Variants in IGSF9B observed in about 807,000 individuals in gnomAD.
IGSF9B encodes protein turtle homolog B.
A neutral mutation model predicts 143.7 loss-of-function variants in IGSF9B; 48 were observed. The observed-to-expected ratio is 0.33, with a 90% CI of 0.26 to 0.42. The LOEUF (loss-of-function observed/expected upper bound fraction) is 0.42. IGSF9B is among the 20% of genes least tolerant of loss of function. The pLI is 1.00. For synonymous variants in IGSF9B, 903 were observed against 833.1 expected, an observed-to-expected ratio of 1.08 and a Z score of -1.44; for missense variants, 1,706 against 1,980.0, an observed-to-expected ratio of 0.86 and a Z score of 2.63.
At chr11:133,946,515 C>T (rs1024604243) in intron 1 of IGSF9B, among the ~76,000 whole-genome samples, 1 of 152,134 alleles carries the variant, frequency 6.6e-6, no homozygotes, top group Non-Finnish European at 1.5e-5. Flanking sequence ...GGAAGCCATT[C>T]TCTTCAGCCC....
intron 18 of IGSF9B, among the ~76,000 whole-genome samples, chr11:133,917,177 T>C (rs1939402334): frequency 6.6e-6 from 1 of 152,148 alleles, no homozygotes; most frequent in Non-Finnish European, 1.5e-5. Flanking sequence ...CCGTCTCCCA[T>C]GCAGGTGCCC....
Position 133,909,356 on chromosome 11 carries a change from CTGCATT to C in IGSF9B, c.4106-85_4106-80del, listed in dbSNP as rs1939265820. On this transcript the variant is annotated intron_variant, in intron 19 of 19. Coordinates refer to ENST00000533871, the MANE Select transcript of IGSF9B (RefSeq NM_001277285.4). The surrounding 1 kb of genome is among the most constrained non-coding windows in gnomAD (Gnocchi z 4.2). ...CACGCAGCCTGCTCACCTTTTCCAC[CTGCATT>C]TGTTCCGGGTTTCTAATGTTGAAAC... 1 of 1,134,120 alleles carries C rather than the reference CTGCATT, an allele frequency of 8.8e-7. No individual in the cohort carries two copies. Among genetic ancestry groups the C allele is most frequent in the Admixed American group, 2.0e-5 (1 of 49,796 alleles). The allele number at this position is 1,134,120 out of a possible 1,614,324, so 70.3% of individuals were successfully genotyped here.
rs1485245389 is a variant in IGSF9B, at chr11:133,956,927, C to T, written c.-173G>A. The T allele has an allele frequency of 1.0e-5, 4 of 385,680 alleles. No homozygotes were observed. The highest frequency in any genetic ancestry group is 1.3e-4 in the South Asian group (1 of 7,848). 23.9% of individuals were successfully genotyped at this position (385,680 alleles called of 1,614,324 possible). A position where few individuals can be genotyped will look rare whatever the true frequency, so the allele number is the denominator to read the frequency against. On this transcript the variant is annotated 5_prime_UTR_variant, in exon 1 of 20. Coordinates refer to ENST00000533871, the MANE Select transcript of IGSF9B (RefSeq NM_001277285.4). ...CATCCCTCCTAGGCTCCGCTCGGCT[C>T]GGCGCGCGCCTCCCCGGCCCCGGCG...
rs1378291554 is a variant in IGSF9B, at chr11:133,937,630, A to G, written c.562-137T>C. ...GATGCATCTGGGGGACACGAAGGGC[A>G]GGTGCCCCCTTGCCCATCTCCCGCC... On this transcript the variant is annotated intron_variant, in intron 4 of 19. Coordinates refer to ENST00000533871, the MANE Select transcript of IGSF9B (RefSeq NM_001277285.4). 4.0e-6 allele frequency: 4 copies of G among 998,346 alleles called. No homozygotes were observed. The African/African-American group carries it at 6.5e-5, about 16-fold the overall frequency. 61.8% of individuals were successfully genotyped at this position (998,346 alleles called of 1,614,324 possible). A position where few individuals can be genotyped will look rare whatever the true frequency, so the allele number is the denominator to read the frequency against.
At chr11:133,925,172 G>C (rs1411566199) in intron 14 of IGSF9B, among the ~76,000 whole-genome samples, 1 of 152,210 alleles carries the variant, frequency 6.6e-6, no homozygotes, top group Non-Finnish European at 1.5e-5. Flanking sequence ...GCCACTGGGA[G>C]CCGACTCCAG....
intron 7 of IGSF9B, 119 bp from the exon 8 acceptor site, chr11:133,932,332 G>A: frequency 9.6e-7 from 1 of 1,046,948 alleles, no homozygotes. Context: ...AGGTGGGAGA[G>A]CAGACAGACA....
chr11:133,928,740 C>T lies in IGSF9B; in HGVS notation c.1631+931G>A, dbSNP rs1035052758. Among the ~76,000 whole-genome samples, 13 of 152,034 alleles carry T rather than the reference C, an allele frequency of 8.6e-5. No individual in the cohort carries two copies. Among genetic ancestry groups the T allele is most frequent in the Middle Eastern group, 3.4e-3 (1 of 294 alleles). The stretch of plus-strand genomic sequence containing the variant: ...GGAGTCAGCTAGGCTTCCTTCTCCT[C>T]CCTTCCTGTGCCTCCTGCCCTCACC... On this transcript the variant is annotated intron_variant, in intron 12 of 19. Coordinates refer to ENST00000533871, the MANE Select transcript of IGSF9B (RefSeq NM_001277285.4). The surrounding 1 kb of genome is among the most constrained non-coding windows in gnomAD (Gnocchi z 4.7).
intron 4 of IGSF9B, 51 bp downstream of exon 4, chr11:133,937,759 G>A: frequency 2.5e-6 from 4 of 1,580,456 alleles, no homozygotes; most frequent in East Asian, 2.3e-5. Context: ...AGGCTGCCCT[G>A]GGGAAACGGG....
intron 11 of IGSF9B, among the ~76,000 whole-genome samples, 168 bp downstream of exon 11, chr11:133,930,816 G>A (rs764443185): frequency 3.3e-5 from 5 of 152,204 alleles, no homozygotes; most frequent in South Asian, 2.1e-4. Flanking sequence ...CAGAGCCCAC[G>A]GGGGCAAAGG....
At chr11:133,922,487 A>G (rs1939559121) in intron 16 of IGSF9B, 82 bp downstream of exon 16, 5 of 1,357,256 alleles carry the variant, frequency 3.7e-6, no homozygotes, top group East Asian at 2.4e-5. Context: ...AAGGGGGGCC[A>G]TGCTAAAAAT....
In IGSF9B at chr11:133,919,763, G is replaced by A. The variant is rs1454081347; in HGVS notation, c.3962C>T (p.Pro1321Leu). The change falls in exon 18 of 20, where the codon CCA becomes CTA. Residue 1321 changes from proline to leucine, a missense_variant. Pro to Leu is a moderately conservative substitution (Grantham distance 98). Around this residue, in one of 7 missense-constraint regions of IGSF9B, gnomAD observed 880 missense variants for 762.9 expected, o/e 1.15. Transcript: ENST00000533871. ...TCACCCTGAAGTAGGTAACGTGGGT[G>A]GTGGGGTCTCCGGTCGGAGCAATTC... Reference protein sequence around the residue: ...GEELLRPETPPPTLPTSGTLP... With the variant: ...GEELLRPETPLPTLPTSGTLP... The A allele has an allele frequency of 3.4e-6, 5 of 1,480,926 alleles. No homozygotes were observed. The highest frequency in any genetic ancestry group is 2.4e-5 in the East Asian group (1 of 42,188). The allele number at this position is 1,480,926 out of a possible 1,614,324, so 91.7% of individuals were successfully genotyped here.
chr11:133,934,702 G>A (rs1490301903), intron 7 of IGSF9B, among the ~76,000 whole-genome samples: 3 of 152,184 alleles, frequency 2.0e-5, no homozygotes, highest in Non-Finnish European at 4.4e-5. Flanking sequence ...CTGGGCAGCA[G>A]TCGGACCAGC....
chr11:133,929,603 T>G, intron 12 of IGSF9B, 68 bp downstream of exon 12: 1 of 1,193,626 alleles, frequency 8.4e-7, no homozygotes, highest in Non-Finnish European at 1.2e-6. Flanking sequence ...CGGGGTAGCC[T>G]GCAGGAAGAC....
intron 16 of IGSF9B, 138 bp from the exon 17 acceptor site, chr11:133,922,360 C>A (rs1045625855): frequency 4.2e-6 from 4 of 957,908 alleles, no homozygotes; most frequent in Non-Finnish European, 4.8e-6. Flanking sequence ...TTGGCCCCTG[C>A]CTTCATGCTA....
At chr11:133,910,592 A>G (rs561042222) in intron 19 of IGSF9B, among the ~76,000 whole-genome samples, 2 of 152,176 alleles carry the variant, frequency 1.3e-5, no homozygotes, top group Non-Finnish European at 2.9e-5. Flanking sequence ...GAGGCTGATC[A>G]ATAACTCTGC....
In IGSF9B at chr11:133,948,021, A is replaced by C. The variant is rs1442848058; in HGVS notation, c.65-1763T>G. Reference sequence around the variant, plus strand: ...TGTGGGTGACTGTGTCTACCTGCCTATCTCTCTCCCTGTTTCTGTCTACCA... The same window carrying C: ...TGTGGGTGACTGTGTCTACCTGCCTCTCTCTCTCCCTGTTTCTGTCTACCA... On this transcript the variant is annotated intron_variant, in intron 1 of 19. Transcript: ENST00000533871. The surrounding 1 kb of genome is among the most constrained non-coding windows in gnomAD (Gnocchi z 4.7). Among the ~76,000 whole-genome samples, 6 of 146,232 alleles carry C rather than the reference A, an allele frequency of 4.1e-5. No homozygotes were observed. The highest frequency in any genetic ancestry group is 1.0e-4 in the African/African-American group (4 of 38,474).
At chr11:133,933,243 T>C (rs484869) in intron 7 of IGSF9B, among the ~76,000 whole-genome samples, 1 of 152,178 alleles carries the variant, frequency 6.6e-6, no homozygotes, top group Admixed American at 6.5e-5. Context: ...CCTAGACCCC[T>C]AGCGTCAAAG....
chr11:133,908,817 A>T lies in IGSF9B; in HGVS notation c.*252T>A. ...CCTAGTGAAGCAGGGGGCGGAGGGG[A>T]GGAGACAGGTGTTGCCCAGTCTCCA... On this transcript the variant is annotated 3_prime_UTR_variant, in exon 20 of 20. Transcript: ENST00000533871. The T allele has an allele frequency of 3.1e-5, 14 of 454,742 alleles. No individual in the cohort carries two copies. The highest frequency in any genetic ancestry group is 1.7e-4 in the South Asian group (4 of 23,880). The allele number at this position is 454,742 out of a possible 1,614,324, so 28.2% of individuals were successfully genotyped here. A position where few individuals can be genotyped will look rare whatever the true frequency, so the allele number is the denominator to read the frequency against.
rs776164689 is a variant in IGSF9B, at chr11:133,954,400, G to A, written c.64+2291C>T. Among the ~76,000 whole-genome samples the A allele has an allele frequency of 4.5e-4, 69 of 152,200 alleles. No homozygotes were observed. In the Middle Eastern group the frequency reaches 0.02, roughly 45 times the overall value. ...CCCAGACAAGGTCAGCCCAGAAAGGGGTCTTACTTCCTGACACAGGCAGCC... is the reference window on the plus strand; with the variant it reads ...CCCAGACAAGGTCAGCCCAGAAAGGAGTCTTACTTCCTGACACAGGCAGCC... On this transcript the variant is annotated intron_variant, in intron 1 of 19. Coordinates refer to ENST00000533871, the MANE Select transcript of IGSF9B (RefSeq NM_001277285.4).
Sources: allele counts gnomAD v4.1 joint callset (sites outside exome capture counted in the v4.1 genomes callset), GRCh38; gene constraint gnomAD v4.1.1; regional missense constraint gnomAD v4.1.1; non-coding constraint Gnocchi (gnomAD v3.1); transcripts MANE v1.5; gene names NCBI Gene and HGNC (gene_info 2026-07-23, HGNC 2026-07-21).